The following CEP128 variants were observed in gnomAD, a reference collection of about 807,000 sequenced individuals.
CEP128 encodes centrosomal protein 128, also known as centrosomal protein 128kDa.
In CEP128, 132 loss-of-function variants were observed where a neutral mutation model predicts 156.7. The ratio of observed to expected loss-of-function variants is 0.84; its 90% CI spans 0.73 to 0.97. The LOEUF (loss-of-function observed/expected upper bound fraction) is 0.97, where lower values mean the gene tolerates loss of function less well. Among genes scored for constraint, CEP128 ranks in the 50% least tolerant of loss-of-function variants. The pLI is 0.00. For missense variants in CEP128, 1,252 were observed against 1,281.9 expected (o/e 0.98, Z 0.36); for synonymous variants, 469 against 448.9 (o/e 1.04, Z -0.57).
rs115125719 is a variant in CEP128, at chr14:80,896,962, C to T, written c.573-1172G>A. Among the ~76,000 whole-genome samples, 1,055 of 152,252 alleles carry T rather than the reference C, an allele frequency of 6.9e-3. 10 individuals carry two copies. Among genetic ancestry groups the T allele is most frequent in the African/African-American group, 0.024 (995 of 41,548 alleles). On this transcript the variant is annotated intron_variant, in intron 7 of 24. Transcript: ENST00000555265. Reference sequence around the variant, plus strand: ...ACTGTTTCTTAATATCTTTATCTTTCTATTTCTTGGTTACAATCTTATTTA... The same window carrying T: ...ACTGTTTCTTAATATCTTTATCTTTTTATTTCTTGGTTACAATCTTATTTA...
chr14:80,912,602 T>C (rs999545559), intron 4 of CEP128, among the ~76,000 whole-genome samples: 2 of 152,162 alleles, frequency 1.3e-5, no homozygotes, highest in African/African-American at 4.8e-5. Context: ...TAGAGCTCCA[T>C]TGGTCAAGTA....
chr14:80,598,017 G>A (rs1892418585), intron 19 of CEP128, among the ~76,000 whole-genome samples: 2 of 140,474 alleles, frequency 1.4e-5, no homozygotes, highest in Admixed American at 1.4e-4. Context: ...AGACTGAAAT[G>A]TTTTCCATTT....
chr14:80,871,457 G>C (rs1294599178), intron 8 of CEP128, among the ~76,000 whole-genome samples: 4 of 152,158 alleles, frequency 2.6e-5, no homozygotes, highest in South Asian at 2.1e-4. Flanking sequence ...AATGGATCTA[G>C]ATGAATCCTT....
At chr14:80,779,064 A>T (rs1196631304) in intron 15 of CEP128, among the ~76,000 whole-genome samples, 2 of 152,194 alleles carry the variant, frequency 1.3e-5, no homozygotes, top group Non-Finnish European at 2.9e-5. Flanking sequence ...ACTTCCTCCC[A>T]AAAGGTACAA....
intron 21 of CEP128, among the ~76,000 whole-genome samples, chr14:80,541,767 A>G (rs918681471): frequency 1.7e-4 from 26 of 152,196 alleles, no homozygotes; most frequent in African/African-American, 6.3e-4. Flanking sequence ...TATCTGTCTG[A>G]AATGTTCTCT....
intron 8 of CEP128, among the ~76,000 whole-genome samples, chr14:80,885,881 AT>A (rs1227430497): frequency 3.9e-5 from 6 of 152,130 alleles, no homozygotes; most frequent in African/African-American, 1.4e-4. Flanking sequence ...AAGAACCTTG[AT>A]AAAAGGTTAT....
At chr14:80,753,088 G>T (rs575552203) in intron 18 of CEP128, among the ~76,000 whole-genome samples, 1 of 152,228 alleles carries the variant, frequency 6.6e-6, no homozygotes, top group Non-Finnish European at 1.5e-5. Context: ...TCATCTGCTT[G>T]TTGCTTATTT....
At chr14:80,781,598 T>C (rs1292383759) in intron 15 of CEP128, among the ~76,000 whole-genome samples, 3 of 151,516 alleles carry the variant, frequency 2.0e-5, no homozygotes, top group Non-Finnish European at 4.4e-5. Flanking sequence ...CACACTCAGA[T>C]ATATATTTTG....
chr14:80,563,680 G>A (rs1188878708), intron 20 of CEP128, among the ~76,000 whole-genome samples: 6 of 151,632 alleles, frequency 4.0e-5, no homozygotes, highest in Non-Finnish European at 7.4e-5. Flanking sequence ...ACTACAAGGC[G>A]CGTGCCACCA....
intron 19 of CEP128, among the ~76,000 whole-genome samples, chr14:80,696,576 A>C (rs931041493): frequency 1.3e-5 from 2 of 152,182 alleles, no homozygotes; most frequent in Admixed American, 1.3e-4. Context: ...AGTGTTGTCA[A>C]GAGAGTTCAA....
chr14:80,734,655 C>G (rs1420259630), intron 19 of CEP128, among the ~76,000 whole-genome samples: 4 of 151,764 alleles, frequency 2.6e-5, no homozygotes, highest in African/African-American at 4.8e-5. Flanking sequence ...CGAGACCATC[C>G]TGGCCAACAT....
chr14:80,730,179 C>A (rs1470972783), intron 19 of CEP128, among the ~76,000 whole-genome samples: 1 of 152,142 alleles, frequency 6.6e-6, no homozygotes, highest in Non-Finnish European at 1.5e-5. Context: ...TAATCATTGG[C>A]ATTTCATTGC....
At chr14:80,487,058 C>T (rs1488467056), downstream of CEP128, among the ~76,000 whole-genome samples, 1 of 152,072 alleles carries the variant, frequency 6.6e-6, no homozygotes, top group Non-Finnish European at 1.5e-5. Flanking sequence ...GCTAAATGCT[C>T]CAATTAAAAG....
intron 10 of CEP128, among the ~76,000 whole-genome samples, chr14:80,838,827 T>C (rs773461988): frequency 9.9e-5 from 15 of 152,176 alleles, no homozygotes; most frequent in Non-Finnish European, 1.9e-4. Context: ...GAATGAGACA[T>C]TTAAAATTTC....
chr14:80,819,230 G>C (rs1379425813), intron 13 of CEP128, among the ~76,000 whole-genome samples: 1 of 148,608 alleles, frequency 6.7e-6, no homozygotes, highest in African/African-American at 2.5e-5. Context: ...CCAGCTCTCT[G>C]GCATCTTCCT....
intron 18 of CEP128, among the ~76,000 whole-genome samples, chr14:80,754,869 T>C (rs1291087558): frequency 6.6e-6 from 1 of 152,162 alleles, no homozygotes; most frequent in Admixed American, 6.5e-5. Flanking sequence ...CATACCTTGT[T>C]AGAACTTGTT....
intron 13 of CEP128, among the ~76,000 whole-genome samples, chr14:80,825,242 G>C (rs1374744120): frequency 1.3e-5 from 2 of 152,188 alleles, no homozygotes; most frequent in Admixed American, 1.3e-4. Context: ...CAAGTAATTG[G>C]TATTAGAGGC....
intron 2 of CEP128, among the ~76,000 whole-genome samples, chr14:80,937,441 T>C (rs775878586): frequency 2.0e-5 from 3 of 152,162 alleles, no homozygotes; most frequent in East Asian, 1.9e-4. Context: ...AATTTCACTG[T>C]AGAAATTCTT....
At chr14:80,916,613 A>C in intron 2 of CEP128, 51 bp from the exon 3 acceptor site, 2 of 1,408,360 alleles carry the variant, frequency 1.4e-6, no homozygotes, top group South Asian at 2.5e-5. Flanking sequence ...AAGCATGGAA[A>C]TAAAAGACTA....
Sources: allele counts gnomAD v4.1 joint callset (sites outside exome capture counted in the v4.1 genomes callset), GRCh38; gene constraint gnomAD v4.1.1; transcripts MANE v1.5; gene names NCBI Gene and HGNC (gene_info 2026-07-23, HGNC 2026-07-21).